Variants in BTG4 observed in about 807,000 individuals in gnomAD.
BTG4 encodes protein BTG4.
A neutral mutation model predicts 19.3 loss-of-function variants in BTG4; 10 were observed. That is an observed-to-expected ratio of 0.52 (90% CI 0.32 to 0.88). The LOEUF is 0.88. Ranked by LOEUF, BTG4 falls within the 40% of genes least tolerant of loss-of-function variation. The probability of loss-of-function intolerance (pLI) is 0.04; values close to 1 mark genes in which losing one functional copy is unlikely to be tolerated. For missense variants in BTG4, 238 were observed against 281.9 expected, an observed-to-expected ratio of 0.84 and a Z score of 1.11; for synonymous variants, 91 against 95.7, an observed-to-expected ratio of 0.95 and a Z score of 0.29.
chr11:111,393,910 T>C, the BTG4 span, among the ~76,000 whole-genome samples: 11 of 152,228 alleles, frequency 7.2e-5, no homozygotes, highest in Non-Finnish European at 1.0e-4. Flanking sequence ...TGGAATCAAA[T>C]AGATCTGGGT....
At chr11:111,490,974 C>T (rs1016335530), downstream of BTG4, among the ~76,000 whole-genome samples, 1 of 152,176 alleles carries the variant, frequency 6.6e-6, no homozygotes, top group Non-Finnish European at 1.5e-5. Context: ...CAGAAACAAT[C>T]GGTTGTTCTT....
chr11:111,467,523 G>C (rs1041370855), downstream of BTG4: 2 of 562,858 alleles, frequency 3.6e-6, no homozygotes, highest in Admixed American at 7.0e-5. Context: ...TTTAGCAAAA[G>C]GATAGGTTTG....
chr11:111,443,156 C>G, the BTG4 span, among the ~76,000 whole-genome samples: 2 of 152,170 alleles, frequency 1.3e-5, no homozygotes, highest in African/African-American at 4.8e-5. Flanking sequence ...CCAGTCCAAG[C>G]GTTAGAAAAA....
At chr11:111,494,019 G>A (rs1294274755), downstream of BTG4, among the ~76,000 whole-genome samples, 1 of 152,120 alleles carries the variant, frequency 6.6e-6, no homozygotes, top group Non-Finnish European at 1.5e-5. Context: ...AGCTGTGACT[G>A]CTCCAATGCT....
chr11:111,496,939 A>G (rs1261819835), intron 4 of BTG4: 1 of 381,232 alleles, frequency 2.6e-6, no homozygotes, highest in African/African-American at 2.1e-5. Context: ...TAGGAATTTA[A>G]GTGGAAGGAA....
chr11:111,419,288 A>G, the BTG4 span, among the ~76,000 whole-genome samples: 1 of 152,232 alleles, frequency 6.6e-6, no homozygotes. Context: ...TAAAAGCTAC[A>G]GCCAATCAGT....
chr11:111,434,039 C>A, the BTG4 span, among the ~76,000 whole-genome samples: 1 of 152,214 alleles, frequency 6.6e-6, no homozygotes, highest in Non-Finnish European at 1.5e-5. Flanking sequence ...ACCCAGCCAT[C>A]CCATTACTGG....
At chr11:111,404,893 T>C in the BTG4 span, among the ~76,000 whole-genome samples, 2 of 152,352 alleles carry the variant, frequency 1.3e-5, no homozygotes, top group East Asian at 1.9e-4. Flanking sequence ...TCATGTTATC[T>C]TGTTATCTTA....
chr11:111,435,305 C>T, the BTG4 span, among the ~76,000 whole-genome samples: 1 of 152,160 alleles, frequency 6.6e-6, no homozygotes, highest in African/African-American at 2.4e-5. Context: ...GGAAAGCACT[C>T]GGGGGTAGTG....
chr11:111,426,171 A>G, the BTG4 span, among the ~76,000 whole-genome samples: 2 of 152,146 alleles, frequency 1.3e-5, no homozygotes, highest in African/African-American at 4.8e-5. Context: ...CATGTGGGGT[A>G]TGCTCAGTGT....
intron 4 of BTG4, 123 bp downstream of exon 4, chr11:111,497,088 G>A (rs1287104314): frequency 1.0e-6 from 1 of 967,342 alleles, no homozygotes; most frequent in Admixed American, 2.7e-5. Context: ...TAAGAGTCTG[G>A]CTTTTAAAAA....
At chr11:111,448,089 C>G in the BTG4 span, among the ~76,000 whole-genome samples, 1 of 152,234 alleles carries the variant, frequency 6.6e-6, no homozygotes, top group African/African-American at 2.4e-5. Flanking sequence ...TGAGGGCACC[C>G]CAGTGACATG....
chr11:111,386,431 T>C, the BTG4 span: 2 of 152,356 alleles, frequency 1.3e-5, no homozygotes, highest in Non-Finnish European at 2.9e-5. Context: ...GAAAAATTGA[T>C]GGCCTAGAGG....
chr11:111,460,806 T>C, the BTG4 span, among the ~76,000 whole-genome samples: 2 of 152,078 alleles, frequency 1.3e-5, no homozygotes, highest in African/African-American at 4.8e-5. Flanking sequence ...ATACAAAACA[T>C]AAGTTACTCA....
rs147731949 is a variant in BTG4, at chr11:111,507,253, G to C, written c.-27+4928C>G. Among the ~76,000 whole-genome samples, 7 of 152,228 alleles carry C rather than the reference G, an allele frequency of 4.6e-5. No individual in the cohort carries two copies. The East Asian group carries it at 1.3e-3, about 29-fold the overall frequency. On this transcript the variant is annotated intron_variant, in intron 1 of 4. Coordinates refer to ENST00000692032, the MANE Select transcript of BTG4 (RefSeq NM_001367975.1). ...TAATAGAGTTACAGAATACACCCTA[G>C]AGCTCTTAAGAAGGGGAAAGTTTAT...
At chr11:111,443,010 T>C in the BTG4 span, among the ~76,000 whole-genome samples, 1 of 152,232 alleles carries the variant, frequency 6.6e-6, no homozygotes, top group African/African-American at 2.4e-5. Context: ...GGAGGAAACC[T>C]GGCCAACGCT....
the BTG4 span, among the ~76,000 whole-genome samples, chr11:111,386,447 C>A: frequency 2.0e-5 from 3 of 152,176 alleles, no homozygotes; most frequent in Non-Finnish European, 4.4e-5. Flanking sequence ...AGAGGCTCAA[C>A]AACCTCTAAA....
At position 111,471,989 on chromosome 11, in the gene BTG4, C is replaced by CT. The variant is rs533815235; in HGVS notation, c.663-4309dup. Among the ~76,000 whole-genome samples, 250 of 152,342 alleles carry CT rather than the reference C, an allele frequency of 1.6e-3. 1 individual carries two copies. The highest frequency in any genetic ancestry group is 3.4e-3 in the Middle Eastern group (1 of 294). On this transcript the variant is annotated intron_variant, in intron 5 of 5. Transcript: ENST00000356018. ...TCAAAGCATATCTAGAATCCAACCACTGCTCATCAACTACAATACCACCCT... is the reference window on the plus strand; with the variant it reads ...TCAAAGCATATCTAGAATCCAACCACTTGCTCATCAACTACAATACCACCCT...
chr11:111,480,489 CCAA>C (rs576776327), intron 5 of BTG4, among the ~76,000 whole-genome samples: 3 of 151,974 alleles, frequency 2.0e-5, no homozygotes, highest in South Asian at 4.1e-4. Context: ...GACATTCCCC[CCAA>C]CAACAACAGG....
Sources: allele counts gnomAD v4.1 joint callset (sites outside exome capture counted in the v4.1 genomes callset), GRCh38; gene constraint gnomAD v4.1.1; transcripts MANE v1.5; gene names NCBI Gene and HGNC (gene_info 2026-07-23, HGNC 2026-07-21).